The following SCAPER variants were observed in gnomAD, a reference collection of about 807,000 sequenced individuals.
The protein encoded by SCAPER is S phase cyclin A-associated protein in the endoplasmic reticulum.
In SCAPER, 98 loss-of-function variants were observed where a neutral mutation model predicts 182.2. The ratio of observed to expected loss-of-function variants is 0.54; its 90% CI spans 0.46 to 0.64. The LOEUF is 0.64. SCAPER is among the 30% of genes least tolerant of loss of function. The probability of loss-of-function intolerance (pLI) is 0.00; values close to 1 mark genes in which losing one functional copy is unlikely to be tolerated. For synonymous variants in SCAPER, 605 were observed against 564.6 expected, an observed-to-expected ratio of 1.07 and a Z score of -1.01; for missense variants, 1,432 against 1,690.0, an observed-to-expected ratio of 0.85 and a Z score of 2.68.
chr15:76,712,480 C>T (rs1190514117), intron 17 of SCAPER, among the ~76,000 whole-genome samples: 10 of 152,148 alleles, frequency 6.6e-5, no homozygotes, highest in South Asian at 2.1e-4. Flanking sequence ...TGAAGAAAGT[C>T]ATCGGTAGCT....
chr15:76,587,837 T>TAA (rs2048785481), intron 22 of SCAPER, among the ~76,000 whole-genome samples: 1 of 152,214 alleles, frequency 6.6e-6, no homozygotes, highest in Non-Finnish European at 1.5e-5. Context: ...GTTGACTTTC[T>TAA]GTCTTGATGA....
chr15:76,566,892 T>G (rs563854543), intron 23 of SCAPER, among the ~76,000 whole-genome samples: 1 of 152,060 alleles, frequency 6.6e-6, no homozygotes, highest in African/African-American at 2.4e-5. Flanking sequence ...TATGTACAAG[T>G]TAAATAATAA....
intron 5 of SCAPER, among the ~76,000 whole-genome samples, chr15:76,831,986 A>G (rs2068529387): frequency 1.3e-5 from 2 of 152,204 alleles, no homozygotes; most frequent in Admixed American, 1.3e-4. Context: ...AAAAGTCTCT[A>G]TCCAAAGAAC....
chr15:76,573,392 T>C (rs1168566172), intron 23 of SCAPER, among the ~76,000 whole-genome samples: 5 of 151,734 alleles, frequency 3.3e-5, no homozygotes, highest in Non-Finnish European at 5.9e-5. Flanking sequence ...TTACAACCTT[T>C]AAACCCAGAA....
chr15:76,703,789 G>A (rs1333716953), intron 18 of SCAPER, among the ~76,000 whole-genome samples: 1 of 152,160 alleles, frequency 6.6e-6, no homozygotes, highest in African/African-American at 2.4e-5. Flanking sequence ...AGTAAATGAA[G>A]AGTTTCTTAA....
At chr15:76,582,366 A>C (rs4886816) in intron 22 of SCAPER, among the ~76,000 whole-genome samples, 49,353 of 152,024 alleles carry the variant, frequency 0.32, 8,268 homozygotes, top group East Asian at 0.55. Flanking sequence ...AGCTTCAAAT[A>C]AAATGAAATA....
chr15:76,824,257 C>A (rs1394786402), intron 5 of SCAPER, among the ~76,000 whole-genome samples: 1 of 152,226 alleles, frequency 6.6e-6, no homozygotes, highest in Non-Finnish European at 1.5e-5. Flanking sequence ...TATAGATGTA[C>A]AGCTAAAATT....
At chr15:76,745,848 G>C (rs1352791709) in intron 15 of SCAPER, among the ~76,000 whole-genome samples, 1 of 152,106 alleles carries the variant, frequency 6.6e-6, no homozygotes, top group Non-Finnish European at 1.5e-5. Context: ...TAAAATCAAA[G>C]CCTTTGGAAC....
At chr15:76,737,571 C>T (rs2061337019) in intron 15 of SCAPER, among the ~76,000 whole-genome samples, 1 of 152,178 alleles carries the variant, frequency 6.6e-6, no homozygotes, top group South Asian at 2.1e-4. Flanking sequence ...TTGAAGTCAC[C>T]AGCTGCATTA....
At chr15:76,510,157 T>C (rs1202925210) in intron 23 of SCAPER, among the ~76,000 whole-genome samples, 2 of 152,194 alleles carry the variant, frequency 1.3e-5, no homozygotes, top group African/African-American at 4.8e-5. Flanking sequence ...CTTCTAGACA[T>C]TGACTTAGAC....
At chr15:76,460,372 T>C (rs960586060) in intron 25 of SCAPER, among the ~76,000 whole-genome samples, 2 of 152,182 alleles carry the variant, frequency 1.3e-5, no homozygotes, top group African/African-American at 4.8e-5. Context: ...ATCATTGGTG[T>C]ATAGAAATGT....
intron 5 of SCAPER, among the ~76,000 whole-genome samples, chr15:76,831,640 C>T (rs2068495738): frequency 6.6e-6 from 1 of 152,004 alleles, no homozygotes; most frequent in South Asian, 2.1e-4. Context: ...CGCACTGGTA[C>T]ACACTCACCC....
intron 25 of SCAPER, among the ~76,000 whole-genome samples, chr15:76,462,853 A>C (rs2049299488): frequency 6.6e-6 from 1 of 152,164 alleles, no homozygotes; most frequent in Admixed American, 6.5e-5. Context: ...AAAAATGGGC[A>C]GTCCGTTAAG....
intron 2 of SCAPER, among the ~76,000 whole-genome samples, chr15:76,881,802 T>C (rs1010769902): frequency 1.3e-5 from 2 of 152,190 alleles, no homozygotes; most frequent in South Asian, 4.1e-4. Context: ...ATAATAGTGA[T>C]AGCTGCACAA....
intron 22 of SCAPER, among the ~76,000 whole-genome samples, chr15:76,601,965 G>A (rs918726301): frequency 1.7e-5 from 2 of 120,342 alleles, no homozygotes; most frequent in African/African-American, 5.1e-5. Flanking sequence ...CGAAAAGTCA[G>A]CCCTCCATAT....
intron 23 of SCAPER, among the ~76,000 whole-genome samples, chr15:76,537,590 G>T (rs993027824): frequency 2.0e-5 from 3 of 151,870 alleles, no homozygotes; most frequent in Admixed American, 6.6e-5. Context: ...AAGACTTAAA[G>T]GTTAGACCTA....
At chr15:76,736,350 T>C (rs2061262635) in intron 15 of SCAPER, among the ~76,000 whole-genome samples, 1 of 152,234 alleles carries the variant, frequency 6.6e-6, no homozygotes, top group South Asian at 2.1e-4. Context: ...TTGAAGTGGC[T>C]GTGGCAATTT....
chr15:76,414,927 C>T (rs1214786487), intron 26 of SCAPER, among the ~76,000 whole-genome samples: 1 of 152,060 alleles, frequency 6.6e-6, no homozygotes, highest in African/African-American at 2.4e-5. Flanking sequence ...TCTTTCAGTC[C>T]TTTCAATGAT....
chr15:76,794,970 A>C (rs1042715287), intron 8 of SCAPER, among the ~76,000 whole-genome samples: 1 of 152,200 alleles, frequency 6.6e-6, no homozygotes, highest in Admixed American at 6.5e-5. Flanking sequence ...TGCCTAGACT[A>C]AATTAGGCTT....
Sources: allele counts gnomAD v4.1 joint callset (sites outside exome capture counted in the v4.1 genomes callset), GRCh38; gene constraint gnomAD v4.1.1; transcripts MANE v1.5; gene names NCBI Gene and HGNC (gene_info 2026-07-23, HGNC 2026-07-21).